Variants in CPLANE1 observed in about 807,000 individuals in gnomAD.
CPLANE1 encodes the protein ciliogenesis and planar polarity effector complex subunit 1, also known as ciliogenesis and planar polarity effector 1.
CPLANE1 carries 263 observed loss-of-function variants against 362.5 expected under a neutral mutation model. That is an observed-to-expected ratio of 0.73 (90% CI 0.66 to 0.80). The LOEUF is 0.80. Among genes scored for constraint, CPLANE1 ranks in the 30% least tolerant of loss-of-function variants. The pLI, the probability that CPLANE1 is intolerant of heterozygous loss-of-function variation, is 0.00. For synonymous variants in CPLANE1, 1,212 were observed against 1,302.6 expected, an observed-to-expected ratio of 0.93 and a Z score of 1.50; for missense variants, 3,461 against 3,793.4, an observed-to-expected ratio of 0.91 and a Z score of 2.30.
rs1282129143 is a variant in CPLANE1 at position 37,184,989 on chromosome 5, C to G, written c.4280G>C (p.Gly1427Ala). ...TTCCCATATATTCACTTCAAAAGAGCCTATATTTCTCTGCACACGTTTTAG... is the reference window on the plus strand; with the variant it reads ...TTCCCATATATTCACTTCAAAAGAGGCTATATTTCTCTGCACACGTTTTAG... ...KALKRVQRNI[G>A]SFEVNIWEPI... The change falls in exon 25 of 53, where the codon GGC becomes GCC. Residue 1427 changes from glycine (G) to alanine (A), a missense_variant. Physicochemically the swap from Gly to Ala is moderately conservative, Grantham distance 60. Around this residue, in one of 2 missense-constraint regions of CPLANE1, gnomAD observed 3,380 missense variants for 3,666.1 expected, o/e 0.92. Coordinates refer to ENST00000651892, the MANE Select transcript of CPLANE1 (RefSeq NM_001384732.1). 6.2e-7 allele frequency: 1 copy of G among 1,613,886 alleles called. No individual in the cohort carries two copies. Among genetic ancestry groups the G allele is most frequent in the East Asian group, 2.2e-5 (1 of 44,878 alleles).
the CPLANE1 span, among the ~76,000 whole-genome samples, chr5:37,099,245 C>T: frequency 1.7e-4 from 26 of 152,272 alleles, no homozygotes; most frequent in Non-Finnish European, 3.4e-4. Flanking sequence ...AGATATTAAG[C>T]CCAGCATCCA....
At chr5:37,213,101 G>C (rs1793083776) in intron 16 of CPLANE1, among the ~76,000 whole-genome samples, 1 of 152,142 alleles carries the variant, frequency 6.6e-6, no homozygotes, top group African/African-American at 2.4e-5. Context: ...CCAGCTACTT[G>C]GGAGGTTGAG....
At chr5:37,224,828 TGTA>T in intron 12 of CPLANE1, 88 bp from the exon 13 acceptor site, 1 of 785,714 alleles carries the variant, frequency 1.3e-6, no homozygotes, top group Non-Finnish European at 2.0e-6. Flanking sequence ...TTTTTTTGCC[TGTA>T]TTCTTCATCG....
chr5:37,212,466 G>T, intron 16 of CPLANE1: 1 of 522,908 alleles, frequency 1.9e-6, no homozygotes, highest in East Asian at 3.7e-5. Context: ...TCTATCAACA[G>T]ATAAAACTCT....
intron 34 of CPLANE1, among the ~76,000 whole-genome samples, chr5:37,167,638 C>T (rs1005171775): frequency 1.1e-4 from 17 of 152,092 alleles, no homozygotes; most frequent in Non-Finnish European, 2.2e-4. Flanking sequence ...ATTATCCAGG[C>T]ATTGTGGTGC....
intron 16 of CPLANE1, among the ~76,000 whole-genome samples, chr5:37,207,044 AAAT>A (rs1790958778): frequency 1.3e-5 from 2 of 152,262 alleles, no homozygotes; most frequent in Non-Finnish European, 2.9e-5. Context: ...AATTCTGACT[AAAT>A]AATAAGATTG....
chr5:37,130,756 A>G (rs1455201065), intron 46 of CPLANE1: 3 of 153,010 alleles, frequency 2.0e-5, no homozygotes, highest in Non-Finnish European at 4.4e-5. Context: ...AATTCCCCAT[A>G]AAAGACCAAT....
In CPLANE1 at chr5:37,183,287, ATGATTTT is replaced by A; in HGVS notation, c.4887_4893del (p.Glu1629AspfsTer4). The stretch of plus-strand genomic sequence containing the variant: ...ATGCCATATTCATCATTTAAAGAGG[ATGATTTT>A]TCTGATTCATAGGACTCAGGAGCAA... On this transcript the variant is annotated frameshift_variant, in exon 26 of 53. Coordinates refer to ENST00000651892, the MANE Select transcript of CPLANE1 (RefSeq NM_001384732.1). 4 of 1,613,616 alleles carry A rather than the reference ATGATTTT, an allele frequency of 2.5e-6. No individual in the cohort carries two copies. The highest frequency in any genetic ancestry group is 2.5e-6 in the Non-Finnish European group (3 of 1,179,888).
intron 20 of CPLANE1, among the ~76,000 whole-genome samples, chr5:37,196,452 TC>T (rs1787476901): frequency 6.6e-6 from 1 of 152,106 alleles, no homozygotes; most frequent in African/African-American, 2.4e-5. Context: ...TAATAATGAC[TC>T]TAGGCAAGGA....
At chr5:37,246,634 T>G (rs954321252) in intron 2 of CPLANE1, among the ~76,000 whole-genome samples, 12 of 152,208 alleles carry the variant, frequency 7.9e-5, no homozygotes, top group African/African-American at 2.7e-4. Flanking sequence ...TTTTCATATA[T>G]TCTAAGGCAG....
At chr5:37,141,198 T>A in intron 44 of CPLANE1, 1 of 985,400 alleles carries the variant, frequency 1.0e-6, no homozygotes, top group Non-Finnish European at 1.2e-6. Context: ...CCATTCTATT[T>A]TTCCTCAAAA....
chr5:37,088,383 A>G, the CPLANE1 span, among the ~76,000 whole-genome samples: 5 of 152,316 alleles, frequency 3.3e-5, 2 homozygotes, highest in Admixed American at 3.3e-4. Context: ...AATATTGGCT[A>G]TGGCATTAAG....
intron 7 of CPLANE1, among the ~76,000 whole-genome samples, chr5:37,239,464 T>G (rs1431674509): frequency 6.6e-6 from 1 of 151,420 alleles, no homozygotes; most frequent in Non-Finnish European, 1.5e-5. Flanking sequence ...AAGCCTATGG[T>G]CTCAGCTACT....
At chr5:37,141,174 T>C in intron 44 of CPLANE1, 3 of 985,372 alleles carry the variant, frequency 3.0e-6, no homozygotes, top group Non-Finnish European at 3.6e-6. Flanking sequence ...GCCTCCTCAG[T>C]GGTCTCTATG....
rs980839172 is a variant in CPLANE1, at chr5:37,181,066, T to A, written c.5422-61A>T. The A allele has an allele frequency of 2.9e-6, 4 of 1,374,948 alleles. No individual in the cohort carries two copies. In the African/African-American group the frequency reaches 4.4e-5, roughly 15 times the overall value. The allele number at this position is 1,374,948 out of a possible 1,614,324, so 85.2% of individuals were successfully genotyped here. ...GAACCCTTTATTTTTCACCATATTT[T>A]AAAATTATTCATTCTTTCTACAGGA... is the stretch of plus-strand genomic sequence containing the variant. On this transcript the variant is annotated intron_variant, in intron 26 of 52. Transcript: ENST00000651892.
chr5:37,169,600 A>G lies in CPLANE1; in HGVS notation c.6463-39T>C, dbSNP rs748370225. The G allele has an allele frequency of 3.3e-6, 5 of 1,501,672 alleles. No individual in the cohort carries two copies. In the South Asian group the frequency reaches 6.8e-5, roughly 20 times the overall value. 93.0% of individuals were successfully genotyped at this position (1,501,672 alleles called of 1,614,324 possible). On this transcript the variant is annotated intron_variant, in intron 33 of 52. Coordinates refer to ENST00000651892, the MANE Select transcript of CPLANE1 (RefSeq NM_001384732.1). The stretch of plus-strand genomic sequence containing the variant: ...AAGATATTATGTAAGTTTAGAATAT[A>G]TTAGAAATTCCTTCCTTTGTAAATG...
At chr5:37,102,249 G>A (rs772201003), downstream of CPLANE1, among the ~76,000 whole-genome samples, 12 of 151,976 alleles carry the variant, frequency 7.9e-5, no homozygotes, top group Non-Finnish European at 1.5e-4. Flanking sequence ...GTGTAGTGGT[G>A]CGATCTTGGT....
chr5:37,162,598 T>A (rs147261849), intron 37 of CPLANE1, 32 bp from the exon 38 acceptor site: 2 of 1,470,178 alleles, frequency 1.4e-6, no homozygotes, highest in Non-Finnish European at 1.9e-6. Flanking sequence ...GAAGTAATCA[T>A]TGAGAAGCTA....
chr5:37,185,310 C>T (rs1180408287), intron 24 of CPLANE1, among the ~76,000 whole-genome samples: 1 of 151,694 alleles, frequency 6.6e-6, no homozygotes, highest in East Asian at 1.9e-4. Flanking sequence ...AGAGACAGAA[C>T]CTAGACCTCA....
Sources: allele counts gnomAD v4.1 joint callset (sites outside exome capture counted in the v4.1 genomes callset), GRCh38; gene constraint gnomAD v4.1.1; regional missense constraint gnomAD v4.1.1; transcripts MANE v1.5; gene names NCBI Gene and HGNC (gene_info 2026-07-23, HGNC 2026-07-21).